The following LHPP variants were observed in gnomAD, a reference collection of about 807,000 sequenced individuals.
LHPP encodes the protein hLHPP.
LHPP carries 24 observed loss-of-function variants against 30.3 expected under a neutral mutation model. The ratio of observed to expected loss-of-function variants is 0.79; its 90% CI spans 0.57 to 1.11. The LOEUF is 1.11. Ranked by LOEUF, LHPP falls within the 50% of genes most tolerant of loss-of-function variation. The probability of loss-of-function intolerance (pLI) is 0.00; values close to 1 mark genes in which losing one functional copy is unlikely to be tolerated. For synonymous variants in LHPP, 150 were observed against 157.1 expected, an observed-to-expected ratio of 0.95 and a Z score of 0.34; for missense variants, 356 against 367.2, an observed-to-expected ratio of 0.97 and a Z score of 0.25.
chr10:124,555,301 CA>C (rs554668466), intron 6 of LHPP, among the ~76,000 whole-genome samples: 11 of 152,174 alleles, frequency 7.2e-5, no homozygotes, highest in Non-Finnish European at 1.5e-4. Context: ...GCACCCTTGC[CA>C]GGGCGAGTGA....
chr10:124,582,275 G>A (rs1353317263), intron 6 of LHPP, among the ~76,000 whole-genome samples: 2 of 152,008 alleles, frequency 1.3e-5, no homozygotes, highest in Non-Finnish European at 2.9e-5. Context: ...ATAGAGATGG[G>A]ATCTTGCTAT....
intron 3 of LHPP, chr10:124,493,596 C>T (rs1298449722): frequency 6.6e-6 from 1 of 152,246 alleles, no homozygotes; most frequent in Non-Finnish European, 1.5e-5. Flanking sequence ...AGGTTAACGG[C>T]TCTTCTGGGA....
intron 1 of LHPP, among the ~76,000 whole-genome samples, chr10:124,477,562 C>G (rs1003505034): frequency 6.6e-6 from 1 of 152,156 alleles, no homozygotes; most frequent in African/African-American, 2.4e-5. Context: ...CTGTGAATTT[C>G]TCCATTACCA....
intron 3 of LHPP, chr10:124,490,467 T>C: frequency 3.0e-6 from 1 of 338,080 alleles, no homozygotes; most frequent in Admixed American, 3.1e-5. Context: ...GGGCACATTC[T>C]CATCTGCCAG....
At chr10:124,470,894 C>G (rs879405283) in intron 1 of LHPP, among the ~76,000 whole-genome samples, 3 of 135,082 alleles carry the variant, frequency 2.2e-5, no homozygotes, top group Non-Finnish European at 5.1e-5. Flanking sequence ...GCTGTCGTCA[C>G]CTGTGGTCCC....
Position 124,487,682 on chromosome 10 carries a change from G to A in LHPP, c.314-740G>A, listed in dbSNP as rs574853954. On this transcript the variant is annotated intron_variant, in intron 2 of 6. Transcript: ENST00000368842. ...TGGTCTCGAACTCCTGAACTCAGGCGATCCGCCCACCTTGACCTCCCAAAG... is the reference window on the plus strand; with the variant it reads ...TGGTCTCGAACTCCTGAACTCAGGCAATCCGCCCACCTTGACCTCCCAAAG... 4.1e-4 allele frequency among the ~76,000 whole-genome samples: 63 copies of A among 152,158 alleles called. No homozygotes were observed. In the South Asian group the frequency reaches 9.4e-3, roughly 23 times the overall value.
At chr10:124,532,444 T>C (rs973294753) in intron 6 of LHPP, among the ~76,000 whole-genome samples, 2 of 152,218 alleles carry the variant, frequency 1.3e-5, no homozygotes, top group African/African-American at 4.8e-5. Context: ...CAGCAGTGCC[T>C]CCGATTCCAG....
chr10:124,498,345 G>A, intron 5 of LHPP: 2 of 1,570,684 alleles, frequency 1.3e-6, no homozygotes, highest in Non-Finnish European at 1.7e-6. Context: ...CAGTATGAAA[G>A]CAAGAAGCAG....
intron 6 of LHPP, among the ~76,000 whole-genome samples, chr10:124,598,263 G>A (rs779333111): frequency 6.6e-6 from 1 of 152,248 alleles, no homozygotes; most frequent in East Asian, 1.9e-4. Flanking sequence ...GGGGACACAG[G>A]CTGGGTCAGC....
intron 6 of LHPP, among the ~76,000 whole-genome samples, chr10:124,527,324 G>A (rs752067739): frequency 1.3e-5 from 2 of 152,242 alleles, no homozygotes; most frequent in Non-Finnish European, 2.9e-5. Flanking sequence ...AGGAAAGGGG[G>A]CTCAGAGGCC....
At chr10:124,526,654 C>T (rs983055588) in intron 6 of LHPP, among the ~76,000 whole-genome samples, 2 of 152,222 alleles carry the variant, frequency 1.3e-5, no homozygotes, top group Admixed American at 6.5e-5. Context: ...TGCTGCTGAG[C>T]TGGACATAAG....
At chr10:124,548,499 A>G (rs2133955314) in intron 6 of LHPP, among the ~76,000 whole-genome samples, 1 of 152,160 alleles carries the variant, frequency 6.6e-6, no homozygotes, top group East Asian at 1.9e-4. Flanking sequence ...CCTTCTGTCG[A>G]GGTGGGTGGG....
At chr10:124,528,451 C>G (rs1254914361) in intron 6 of LHPP, among the ~76,000 whole-genome samples, 3 of 152,126 alleles carry the variant, frequency 2.0e-5, no homozygotes, top group African/African-American at 4.8e-5. Context: ...CTCCGCCTCC[C>G]GGGTTCAAGG....
chr10:124,581,580 G>A (rs1349302192), intron 6 of LHPP, among the ~76,000 whole-genome samples: 1 of 152,140 alleles, frequency 6.6e-6, no homozygotes, highest in African/African-American at 2.4e-5. Flanking sequence ...TTATCTGACT[G>A]TTTAATTCTA....
chr10:124,577,274 A>G (rs1948676285), intron 6 of LHPP, among the ~76,000 whole-genome samples: 1 of 152,182 alleles, frequency 6.6e-6, no homozygotes, highest in Admixed American at 6.5e-5. Context: ...ACCCAAGACT[A>G]GACCATCCCC....
At chr10:124,586,551 C>T (rs539073743) in intron 6 of LHPP, among the ~76,000 whole-genome samples, 6 of 152,252 alleles carry the variant, frequency 3.9e-5, no homozygotes, top group East Asian at 3.9e-4. Context: ...AGTGCTGTGC[C>T]GAGCTTGGAA....
chr10:124,499,328 G>T (rs1187660654), intron 5 of LHPP, among the ~76,000 whole-genome samples: 2 of 151,702 alleles, frequency 1.3e-5, no homozygotes, highest in East Asian at 3.9e-4. Flanking sequence ...GCCCCCTCCA[G>T]CAGGTTTTCT....
rs533771754 is a variant in LHPP, at chr10:124,539,347, C to T, written c.716+22076C>T. ...TATCTTTAAAATGGACAGAGTTGGC[C>T]GGGTGAGGTGGCCCTGCCTGTAATC... is the stretch of plus-strand genomic sequence containing the variant. On this transcript the variant is annotated intron_variant, in intron 6 of 6. Coordinates refer to ENST00000368842, the MANE Select transcript of LHPP (RefSeq NM_022126.4). Among the ~76,000 whole-genome samples, 42 of 152,260 alleles carry T rather than the reference C, an allele frequency of 2.8e-4. 2 individuals are homozygous for T. In the South Asian group the frequency reaches 5.4e-3, roughly 20 times the overall value.
At chr10:124,518,035 A>G (rs979682756) in intron 6 of LHPP, among the ~76,000 whole-genome samples, 3 of 152,192 alleles carry the variant, frequency 2.0e-5, no homozygotes, top group Non-Finnish European at 4.4e-5. Flanking sequence ...GGGGGCAGTT[A>G]CATTTGTCCT....
Sources: gnomAD v4.1 joint callset for allele counts (sites outside exome capture counted in the v4.1 genomes callset) on GRCh38, gnomAD v4.1.1 for gene constraint, MANE v1.5 for transcripts, NCBI Gene and HGNC (gene_info 2026-07-23, HGNC 2026-07-21) for gene names.